The following SLC9A4 variants were observed in gnomAD, a reference collection of about 807,000 sequenced individuals.
SLC9A4 encodes sodium/hydrogen exchanger 4.
A neutral mutation model predicts 67.4 loss-of-function variants in SLC9A4; 63 were observed. That is an observed-to-expected ratio of 0.93 (90% CI 0.76 to 1.15). SLC9A4 has a LOEUF of 1.15. Among genes scored for constraint, SLC9A4 ranks in the 50% most tolerant of loss-of-function variants. SLC9A4 has a pLI of 0.00. For synonymous variants in SLC9A4, 393 were observed against 367.2 expected, an observed-to-expected ratio of 1.07 and a Z score of -0.80; for missense variants, 1,089 against 987.7, an observed-to-expected ratio of 1.10 and a Z score of -1.38.
chr2:102,521,045 G>A (rs549949288), intron 9 of SLC9A4, among the ~76,000 whole-genome samples: 65 of 152,296 alleles, frequency 4.3e-4, no homozygotes, highest in Middle Eastern at 3.4e-3. Flanking sequence ...CATTCCAAGT[G>A]AAACTGTTTC....
intron 9 of SLC9A4, among the ~76,000 whole-genome samples, chr2:102,524,453 G>A (rs2104448130): frequency 6.6e-6 from 1 of 152,244 alleles, no homozygotes; most frequent in African/African-American, 2.4e-5. Context: ...AAGCTAAATT[G>A]ATTCAGTTTG....
intron 4 of SLC9A4, among the ~76,000 whole-genome samples, chr2:102,507,286 C>T (rs566900519): frequency 3.9e-5 from 6 of 152,312 alleles, no homozygotes; most frequent in East Asian, 1.9e-4. Context: ...GTCTGTGTGA[C>T]GAGACGCACA....
intron 11 of SLC9A4, among the ~76,000 whole-genome samples, chr2:102,531,047 T>C (rs1441160477): frequency 6.8e-6 from 1 of 146,406 alleles, no homozygotes; most frequent in Non-Finnish European, 1.5e-5. Flanking sequence ...GATTTAAATA[T>C]AAAATACCTA....
rs756278845 is a variant in SLC9A4 at position 102,514,283 on chromosome 2, T to G, written c.1721+32T>G. The stretch of plus-strand genomic sequence containing the variant: ...CATATCTGTTCTTTGTTCTAAACTT[T>G]CACTGTCAGAATTCCAAGGGGCGCT... On this transcript the variant is annotated intron_variant, in intron 8 of 11. Transcript: ENST00000295269. The G allele has an allele frequency of 1.1e-5, 17 of 1,537,138 alleles. 1 individual carries two copies. Among genetic ancestry groups the G allele is most frequent in the South Asian group, 3.6e-5 (3 of 83,728 alleles).
rs1674795245 is a variant in SLC9A4, at chr2:102,532,388, A to G, written c.2097A>G (p.Ile699Met). 1 of 1,614,222 alleles carries G rather than the reference A, an allele frequency of 6.2e-7. No individual in the cohort carries two copies. The highest frequency in any genetic ancestry group is 8.5e-7 in the Non-Finnish European group (1 of 1,180,038). ...PSITFSACSR[I>M]GSLQKQEAQE... is the part of the protein sequence containing the mutation. Reference sequence around the variant, plus strand: ...TCACGTTCAGCGCATGCTCTCGGATAGGGTCACTTCAGAAGCAAGAGGCAC... The same window carrying G: ...TCACGTTCAGCGCATGCTCTCGGATGGGGTCACTTCAGAAGCAAGAGGCAC... The change falls in exon 12 of 12, where the codon ATA (isoleucine) becomes ATG (methionine). Residue 699 changes from isoleucine to methionine, a missense_variant. Transcript: ENST00000295269.
chr2:102,495,174 TC>T (rs1684781448), intron 2 of SLC9A4, among the ~76,000 whole-genome samples: 1 of 152,014 alleles, frequency 6.6e-6, no homozygotes, highest in African/African-American at 2.4e-5. Flanking sequence ...ATTTAAAATA[TC>T]TAGGAAAGTC....
At chr2:102,498,941 A>G (rs1489038796) in intron 2 of SLC9A4, among the ~76,000 whole-genome samples, 1 of 152,132 alleles carries the variant, frequency 6.6e-6, no homozygotes, top group Non-Finnish European at 1.5e-5. Context: ...TACTAAAGAA[A>G]CTCCTGTGAG....
intron 9 of SLC9A4, among the ~76,000 whole-genome samples, chr2:102,523,112 G>A (rs1043575053): frequency 2.7e-5 from 4 of 148,352 alleles, no homozygotes; most frequent in African/African-American, 1.0e-4. Context: ...AGGACCGCAG[G>A]TTCACACCAC....
intron 8 of SLC9A4, 46 bp downstream of exon 8, chr2:102,514,297 C>T (rs768467080): frequency 2.1e-6 from 3 of 1,435,648 alleles, no homozygotes; most frequent in Non-Finnish European, 2.9e-6. Flanking sequence ...TGTCAGAATT[C>T]CAAGGGGCGC....
chr2:102,522,949 C>T (rs1265384678), intron 9 of SLC9A4, among the ~76,000 whole-genome samples: 2 of 152,146 alleles, frequency 1.3e-5, no homozygotes, highest in African/African-American at 4.8e-5. Flanking sequence ...GTTCCCTTGG[C>T]CTTCAGTTTA....
chr2:102,512,360 T>C (rs1222653967), intron 7 of SLC9A4, 87 bp downstream of exon 7: 6 of 1,456,620 alleles, frequency 4.1e-6, no homozygotes, highest in Non-Finnish European at 5.8e-6. Context: ...ATTCAGGGAA[T>C]GGAGACCAAG....
chr2:102,477,712 A>T (rs1684362806), intron 1 of SLC9A4, among the ~76,000 whole-genome samples: 1 of 152,162 alleles, frequency 6.6e-6, no homozygotes. Flanking sequence ...AAGGAAAAGG[A>T]CAATCCAAGC....
chr2:102,516,461 A>G (rs1319315423), intron 8 of SLC9A4, among the ~76,000 whole-genome samples: 1 of 152,230 alleles, frequency 6.6e-6, no homozygotes, highest in Non-Finnish European at 1.5e-5. Context: ...ATACAATAAT[A>G]GGAAAAAGAA....
rs373445180 is a variant in SLC9A4, at chr2:102,519,909, C to G, written c.1772C>G (p.Ser591Cys). The change falls in exon 9 of 12, where the codon TCC (serine) becomes TGC (cysteine). Residue 591 changes from serine to cysteine, a missense_variant. Transcript: ENST00000295269. Reference sequence around the variant, plus strand: ...AGACTTTCCCCTGAAGATGTGGAGTCCATAAGGGACATTCTGACATCCAAC... The same window carrying G: ...AGACTTTCCCCTGAAGATGTGGAGTGCATAAGGGACATTCTGACATCCAAC... Reference protein sequence around the residue: ...IKRLSPEDVESIRDILTSNMY... With the variant: ...IKRLSPEDVECIRDILTSNMY... 1 of 1,613,796 alleles carries G rather than the reference C, an allele frequency of 6.2e-7. No homozygotes were observed. Among genetic ancestry groups the G allele is most frequent in the South Asian group, 1.1e-5 (1 of 91,060 alleles).
chr2:102,529,647 T>G (rs1031664616), intron 11 of SLC9A4, among the ~76,000 whole-genome samples: 4 of 152,218 alleles, frequency 2.6e-5, no homozygotes, highest in Non-Finnish European at 4.4e-5. Flanking sequence ...AATCCTTCTC[T>G]CCAAACCCAA....
intron 11 of SLC9A4, among the ~76,000 whole-genome samples, chr2:102,531,278 A>G (rs1342227891): frequency 6.6e-6 from 1 of 152,174 alleles, no homozygotes; most frequent in Admixed American, 6.5e-5. Flanking sequence ...TAAAGGGAAA[A>G]TAAATTTATA....
At position 102,479,335 on chromosome 2, in the gene SLC9A4, G is replaced by A. The variant is rs202235945; in HGVS notation, c.720+33G>A. ...GTCATGTGCCCGCCCGGCTTCCGGGGGAGATGAGGGTTCGGGGTGGGGCTG... is the reference window on the plus strand; with the variant it reads ...GTCATGTGCCCGCCCGGCTTCCGGGAGAGATGAGGGTTCGGGGTGGGGCTG... On this transcript the variant is annotated intron_variant, in intron 2 of 11. Transcript: ENST00000295269. The A allele has an allele frequency of 9.6e-6, 15 of 1,568,568 alleles. No individual in the cohort carries two copies. The East Asian group carries it at 2.1e-4, about 22-fold the overall frequency.
intron 2 of SLC9A4, among the ~76,000 whole-genome samples, chr2:102,484,852 G>A (rs953028551): frequency 2.6e-5 from 4 of 152,078 alleles, no homozygotes; most frequent in African/African-American, 9.7e-5. Flanking sequence ...GCTCTTGACT[G>A]CCACCCGGTA....
At chr2:102,509,656 A>G (rs1402083099) in intron 6 of SLC9A4, among the ~76,000 whole-genome samples, 1 of 152,212 alleles carries the variant, frequency 6.6e-6, no homozygotes, top group African/African-American at 2.4e-5. Flanking sequence ...TATCAGTTCA[A>G]AAATCCCAAA....
Sources: gnomAD v4.1 joint callset for allele counts (sites outside exome capture counted in the v4.1 genomes callset) on GRCh38, gnomAD v4.1.1 for gene constraint, MANE v1.5 for transcripts, NCBI Gene and HGNC (gene_info 2026-07-23, HGNC 2026-07-21) for gene names.